Variants in SRPK2 observed in about 807,000 individuals in gnomAD.
SRPK2 encodes SFRS protein kinase 2.
Under a neutral mutation model 90.8 loss-of-function variants are expected in SRPK2, and 21 were observed. That is an observed-to-expected ratio of 0.23 (90% CI 0.16 to 0.33). The LOEUF is 0.33. Ranked by LOEUF, SRPK2 falls within the 10% of genes least tolerant of loss-of-function variation. SRPK2 has a pLI of 1.00. For missense variants in SRPK2, 620 were observed against 869.0 expected (o/e 0.71, Z 3.60); for synonymous variants, 288 against 311.1 (o/e 0.93, Z 0.78).
At chr7:105,118,137 A>G (rs1799825907) in intron 15 of SRPK2, 115 bp from the exon 16 acceptor site, 4 of 991,866 alleles carry the variant, frequency 4.0e-6, no homozygotes, top group African/African-American at 1.6e-5. Context: ...ACACTTGTAC[A>G]GCAACAACAA....
intron 2 of SRPK2, among the ~76,000 whole-genome samples, chr7:105,299,018 C>A (rs562358233): frequency 3.3e-5 from 5 of 152,346 alleles, no homozygotes; most frequent in African/African-American, 1.2e-4. Flanking sequence ...CACCCTCCCC[C>A]ATCCATATGC....
intron 15 of SRPK2, 106 bp from the exon 16 acceptor site, chr7:105,118,128 C>T: frequency 9.1e-7 from 1 of 1,102,572 alleles, no homozygotes; most frequent in Non-Finnish European, 1.3e-6. Flanking sequence ...ACCTGCTCAA[C>T]ACTTGTACAG....
At chr7:105,139,618 A>G (rs73404068) in intron 11 of SRPK2, among the ~76,000 whole-genome samples, 1,710 of 152,314 alleles carry the variant, frequency 0.011, 28 homozygotes, top group African/African-American at 0.038. Context: ...TGGGCCTCCA[A>G]TGATGACCAT....
At chr7:105,389,339 C>T, upstream of SRPK2, 1 of 1,278,764 alleles carries the variant, frequency 7.8e-7, no homozygotes, top group Non-Finnish European at 1.0e-6. Context: ...CCTCTTCTCT[C>T]CCTTTGCTCC....
At chr7:105,349,830 C>T (rs1434943177) in intron 2 of SRPK2, among the ~76,000 whole-genome samples, 1 of 152,050 alleles carries the variant, frequency 6.6e-6, no homozygotes, top group East Asian at 1.9e-4. Context: ...CCTCCACCTC[C>T]CAGGTTCAAG....
At chr7:105,388,053 G>A (rs543436767) in intron 2 of SRPK2, among the ~76,000 whole-genome samples, 2 of 152,170 alleles carry the variant, frequency 1.3e-5, no homozygotes, top group Admixed American at 6.5e-5. Flanking sequence ...GAGCCGAAAC[G>A]CACAGGTCTC....
intron 14 of SRPK2, 23 bp from the exon 15 acceptor site, chr7:105,126,363 A>G: frequency 6.4e-7 from 1 of 1,568,752 alleles, no homozygotes; most frequent in Non-Finnish European, 8.8e-7. Flanking sequence ...GAAAAAAAGG[A>G]TATGGGAATG....
rs1426772972 is a variant in SRPK2, at chr7:105,205,515, T to TCA, written c.72-1731_72-1730insTG. Among the ~76,000 whole-genome samples, 222 of 111,802 alleles carry TCA rather than the reference T, an allele frequency of 2.0e-3. 1 individual carries two copies. Among genetic ancestry groups the TCA allele is most frequent in the Non-Finnish European group, 2.7e-3 (153 of 56,494 alleles). 73.3% of individuals were successfully genotyped at this position (111,802 alleles called of 152,430 possible). ...TATTCATTCTCTCTCTCTCTCTCTC[T>TCA]CTCACACACACACACACACACACAC... is the stretch of plus-strand genomic sequence containing the variant. On this transcript the variant is annotated intron_variant, in intron 2 of 15. Transcript: ENST00000393651.
At chr7:105,327,505 C>A (rs917536128) in intron 2 of SRPK2, among the ~76,000 whole-genome samples, 1 of 152,206 alleles carries the variant, frequency 6.6e-6, no homozygotes, top group African/African-American at 2.4e-5. Flanking sequence ...TGACCTCTCT[C>A]CTCCCTGCCA....
At chr7:105,182,987 A>G (rs1214666121) in intron 3 of SRPK2, among the ~76,000 whole-genome samples, 3 of 152,244 alleles carry the variant, frequency 2.0e-5, no homozygotes, top group Admixed American at 1.3e-4. Flanking sequence ...AAGGCAAACT[A>G]GTAAGAAAGA....
chr7:105,124,259 G>C (rs1432330027), intron 15 of SRPK2, among the ~76,000 whole-genome samples: 1 of 152,156 alleles, frequency 6.6e-6, no homozygotes, highest in Non-Finnish European at 1.5e-5. Context: ...ATCATTCAAG[G>C]CCTCTCTTTC....
chr7:105,171,015 G>GGA lies in SRPK2; in HGVS notation c.230-1751_230-1750insTC, dbSNP rs1554436213. Among the ~76,000 whole-genome samples, 198 of 107,614 alleles carry GGA rather than the reference G, an allele frequency of 1.8e-3. 13 individuals carry two copies. Among genetic ancestry groups the GGA allele is most frequent in the Admixed American group, 4.1e-3 (40 of 9,704 alleles). 70.6% of individuals were successfully genotyped at this position (107,614 alleles called of 152,430 possible). On this transcript the variant is annotated intron_variant, in intron 3 of 15. Coordinates refer to ENST00000393651, the MANE Select transcript of SRPK2 (RefSeq NM_182692.3). ...AGAAAGAGAAAGAAAGAAAGAAAGA[G>GGA]AGGAAGGAAGGAAGGAAGGAAGGAA...
chr7:105,370,015 A>C (rs1033288963), intron 2 of SRPK2, among the ~76,000 whole-genome samples: 14 of 120,112 alleles, frequency 1.2e-4, no homozygotes, highest in African/African-American at 3.9e-4. Context: ...CAACAAGAGC[A>C]AGACTCCATC....
At chr7:105,299,595 G>C (rs1223008573) in intron 2 of SRPK2, among the ~76,000 whole-genome samples, 2 of 152,258 alleles carry the variant, frequency 1.3e-5, no homozygotes, top group East Asian at 3.9e-4. Flanking sequence ...ACAATCTTTA[G>C]AATGTAATGG....
intron 2 of SRPK2, among the ~76,000 whole-genome samples, chr7:105,316,841 G>C (rs748525946): frequency 1.3e-5 from 2 of 152,156 alleles, no homozygotes; most frequent in Non-Finnish European, 2.9e-5. Flanking sequence ...TATGACCTTA[G>C]GCAAGCTATT....
At chr7:105,283,255 A>G (rs564689292) in intron 2 of SRPK2, among the ~76,000 whole-genome samples, 1 of 152,332 alleles carries the variant, frequency 6.6e-6, no homozygotes, top group South Asian at 2.1e-4. Flanking sequence ...TTACAGAGTT[A>G]CCATATGACC....
intron 3 of SRPK2, among the ~76,000 whole-genome samples, chr7:105,197,839 T>C (rs758586394): frequency 6.6e-6 from 1 of 152,194 alleles, no homozygotes; most frequent in Non-Finnish European, 1.5e-5. Context: ...CCAGAAATAA[T>C]TCAAGAGATG....
chr7:105,135,910 G>A (rs916394734), intron 11 of SRPK2, among the ~76,000 whole-genome samples: 2 of 151,806 alleles, frequency 1.3e-5, no homozygotes, highest in African/African-American at 2.4e-5. Context: ...GATTACAGGC[G>A]CCTGAAACCA....
chr7:105,204,467 A>C, intron 2 of SRPK2: 1 of 326,646 alleles, frequency 3.1e-6, no homozygotes, highest in Non-Finnish European at 5.9e-6. Context: ...TCATAATGGG[A>C]TTCACTTACT....
Sources: gnomAD v4.1 joint callset for allele counts (sites outside exome capture counted in the v4.1 genomes callset) on GRCh38, gnomAD v4.1.1 for gene constraint, MANE v1.5 for transcripts, NCBI Gene and HGNC (gene_info 2026-07-23, HGNC 2026-07-21) for gene names.